The following CHD9 variants were observed in gnomAD, a reference collection of about 807,000 sequenced individuals.
CHD9 encodes the protein chromodomain helicase DNA binding protein 9, also known as ATP-dependent chromatin remodeler CHD9.
Under a neutral mutation model 316.1 loss-of-function variants are expected in CHD9, and 77 were observed. That is an observed-to-expected ratio of 0.24 (90% CI 0.20 to 0.29). CHD9 has a LOEUF of 0.29. CHD9 is among the 10% of genes least tolerant of loss of function. The probability of loss-of-function intolerance (pLI) is 1.00; values close to 1 mark genes in which losing one functional copy is unlikely to be tolerated. For missense variants in CHD9, 2,763 were observed against 3,438.1 expected, an observed-to-expected ratio of 0.80 and a Z score of 4.91; for synonymous variants, 1,129 against 1,158.3, an observed-to-expected ratio of 0.97 and a Z score of 0.51.
At chr16:53,203,743 G>C (rs1320910914) in intron 2 of CHD9, among the ~76,000 whole-genome samples, 2 of 151,992 alleles carry the variant, frequency 1.3e-5, no homozygotes, top group African/African-American at 4.8e-5. Context: ...GTCAAGTAGA[G>C]CCAGGCGTGG....
chr16:53,239,307 A>T (rs2048887727), intron 12 of CHD9, among the ~76,000 whole-genome samples: 1 of 152,140 alleles, frequency 6.6e-6, no homozygotes, highest in Non-Finnish European at 1.5e-5. Flanking sequence ...AAGATAGGCC[A>T]GGCATGGTGG....
chr16:53,324,410 T>A lies in CHD9; in HGVS notation c.8209T>A (p.Ser2737Thr). Reference protein sequence around the residue: ...MGGLLTKPTESGTEDKKGSDS... With the variant: ...MGGLLTKPTETGTEDKKGSDS... The stretch of plus-strand genomic sequence containing the variant: ...AGGACTCCTGACAAAGCCTACGGAA[T>A]CTGGGACAGAAGACAAAAAGGGAAG... Residue 2737 changes from serine (S) to threonine (T), a missense_variant, in exon 39 of 39, where the codon TCT becomes ACT. This residue lies in a region of CHD9 where 298 missense variants were observed against 380.2 expected (regional missense o/e 0.78). Transcript: ENST00000447540. 4 of 1,613,952 alleles carry A rather than the reference T, an allele frequency of 2.5e-6. No homozygotes were observed. Among genetic ancestry groups the A allele is most frequent in the Non-Finnish European group, 3.4e-6 (4 of 1,179,886 alleles).
intron 2 of CHD9, among the ~76,000 whole-genome samples, chr16:53,180,253 T>C (rs962547048): frequency 5.9e-5 from 9 of 152,006 alleles, no homozygotes; most frequent in Non-Finnish European, 1.2e-4. Flanking sequence ...GTGATCCACC[T>C]TCCTCGGCCT....
chr16:53,313,369 G>A (rs894058018), intron 34 of CHD9, among the ~76,000 whole-genome samples: 3 of 152,012 alleles, frequency 2.0e-5, no homozygotes, highest in Admixed American at 6.5e-5. Flanking sequence ...GCAGTGGCAT[G>A]ATCTCGGCTC....
intron 31 of CHD9, among the ~76,000 whole-genome samples, chr16:53,305,506 A>G (rs375169350): frequency 3.9e-5 from 6 of 152,264 alleles, no homozygotes; most frequent in Admixed American, 3.9e-4. Context: ...TTTACACAGT[A>G]GTTTATTTGT....
chr16:53,160,862 A>G (rs1216328926), intron 2 of CHD9, among the ~76,000 whole-genome samples: 3 of 152,190 alleles, frequency 2.0e-5, no homozygotes, highest in Non-Finnish European at 4.4e-5. Context: ...AGCCAAGATC[A>G]CACCATTGCA....
intron 1 of CHD9, among the ~76,000 whole-genome samples, chr16:53,109,673 G>GTTTTT (rs1472499524): frequency 8.4e-5 from 7 of 82,980 alleles, no homozygotes; most frequent in Non-Finnish European, 9.7e-5. Context: ...TGGATTCCCA[G>GTTTTT]TTTCTTTTTT....
Position 53,157,538 on chromosome 16 carries a change from A to G in CHD9, c.1449A>G (p.Arg483=), listed in dbSNP as rs562860590. The change falls in exon 2 of 39, where the codon CGA becomes CGG. Residue 483 remains arginine (R), a synonymous_variant. Transcript: ENST00000447540. ...LHDRNHLCLQ[R]QPPSSKKSDG... ...ACAGAAATCACCTATGTTTACAGCG[A>G]CAGGTATGTAGCTCTTTGCTTTTAT... is the stretch of plus-strand genomic sequence containing the variant. 1.7e-5 allele frequency: 27 copies of G among 1,609,966 alleles called. No individual in the cohort carries two copies. The South Asian group carries it at 2.3e-4, about 14-fold the overall frequency.
At chr16:53,122,533 G>T (rs1047200820) in intron 1 of CHD9, among the ~76,000 whole-genome samples, 2 of 148,706 alleles carry the variant, frequency 1.3e-5, no homozygotes, top group African/African-American at 2.5e-5. Context: ...GAAATTGCTG[G>T]CTGGGAATCC....
At chr16:53,106,363 C>A (rs1471902965) in intron 1 of CHD9, among the ~76,000 whole-genome samples, 2 of 152,038 alleles carry the variant, frequency 1.3e-5, no homozygotes, top group African/African-American at 4.8e-5. Context: ...AAAAATGAAC[C>A]AAAGTTTCCT....
At position 53,209,537 on chromosome 16, in the gene CHD9, C is replaced by G; in HGVS notation, c.1508C>G (p.Thr503Ser). The G allele has an allele frequency of 6.2e-7, 1 of 1,613,604 alleles. No homozygotes were observed. The highest frequency in any genetic ancestry group is 1.1e-5 in the South Asian group (1 of 91,066). Residue 503 changes from threonine to serine, a missense_variant, in exon 3 of 39, where the codon ACC becomes AGC. This residue lies in a region of CHD9 where 859 missense variants were observed against 890.4 expected (regional missense o/e 0.96). Coordinates refer to ENST00000447540, the MANE Select transcript of CHD9 (RefSeq NM_001308319.2). ...GSGTYTKLQN[T>S]QVRVMSEKKQ... ...GGGACATATACTAAGTTGCAGAATA[C>G]CCAGGTGAGGGTCATGTCTGAGAAG...
chr16:53,191,648 C>A (rs1300263656), intron 2 of CHD9, among the ~76,000 whole-genome samples: 1 of 152,120 alleles, frequency 6.6e-6, no homozygotes, highest in South Asian at 2.1e-4. Flanking sequence ...TTTATAGATA[C>A]ACCACAATTT....
At chr16:53,218,606 A>G (rs1452121954) in intron 3 of CHD9, among the ~76,000 whole-genome samples, 4 of 152,172 alleles carry the variant, frequency 2.6e-5, no homozygotes. Context: ...TGTAAATTTT[A>G]AAAAAATTTA....
At chr16:53,141,726 G>C (rs1321584111) in intron 1 of CHD9, among the ~76,000 whole-genome samples, 1 of 152,124 alleles carries the variant, frequency 6.6e-6, no homozygotes, top group Non-Finnish European at 1.5e-5. Flanking sequence ...ATCTTGTTTA[G>C]TAGGGATAAA....
chr16:53,291,716 T>G lies in CHD9; in HGVS notation c.5248-9T>G. Reference sequence around the variant, plus strand: ...TACCCTGTGACAAGTTTCTATTTTCTTTTAAAAGGATGATGTTTCCTCACC... The same window carrying G: ...TACCCTGTGACAAGTTTCTATTTTCGTTTAAAAGGATGATGTTTCCTCACC... On this transcript the variant is annotated splice_polypyrimidine_tract_variant and intron_variant, in intron 27 of 38. Transcript: ENST00000447540. The G allele has an allele frequency of 6.4e-7, 1 of 1,557,150 alleles. No individual in the cohort carries two copies. The highest frequency in any genetic ancestry group is 8.6e-7 in the Non-Finnish European group (1 of 1,158,458).
chr16:53,105,719 C>G (rs899518705), intron 1 of CHD9, among the ~76,000 whole-genome samples: 1 of 152,062 alleles, frequency 6.6e-6, no homozygotes, highest in African/African-American at 2.4e-5. Context: ...CATTCCTTGT[C>G]TCTACATTCC....
At chr16:53,142,527 C>T (rs2040201317) in intron 1 of CHD9, among the ~76,000 whole-genome samples, 1 of 152,160 alleles carries the variant, frequency 6.6e-6, no homozygotes, top group South Asian at 2.1e-4. Flanking sequence ...GGCTGATCTC[C>T]AGCTTCTGGT....
chr16:53,255,561 T>C, intron 18 of CHD9, 39 bp from the exon 19 acceptor site: 2 of 1,571,652 alleles, frequency 1.3e-6, no homozygotes, highest in Non-Finnish European at 1.7e-6. Flanking sequence ...TTATGAACTT[T>C]AAAAAAAACT....
At chr16:53,223,059 A>G (rs1027451835) in intron 4 of CHD9, among the ~76,000 whole-genome samples, 2 of 152,212 alleles carry the variant, frequency 1.3e-5, no homozygotes, top group Non-Finnish European at 2.9e-5. Context: ...TAGTGATACT[A>G]TCCTGTGCTT....
Sources: gnomAD v4.1 joint callset for allele counts (sites outside exome capture counted in the v4.1 genomes callset) on GRCh38, gnomAD v4.1.1 for gene constraint, gnomAD v4.1.1 regional missense constraint, MANE v1.5 for transcripts, NCBI Gene and HGNC (gene_info 2026-07-23, HGNC 2026-07-21) for gene names.